The following NDUFAF1 variants were observed in gnomAD, a reference collection of about 807,000 sequenced individuals.
NDUFAF1 encodes NADH:ubiquinone oxidoreductase complex assembly factor 1, also known as complex I intermediate-associated protein 30, mitochondrial.
In NDUFAF1, 18 loss-of-function variants were observed where a neutral mutation model predicts 28.7. The observed-to-expected ratio is 0.63, with a 90% CI of 0.43 to 0.93. The LOEUF is 0.93. Among genes scored for constraint, NDUFAF1 ranks in the 40% least tolerant of loss-of-function variants. The pLI is 0.00. For missense variants in NDUFAF1, 404 were observed against 398.3 expected (o/e 1.01, Z -0.12); for synonymous variants, 113 against 139.7 (o/e 0.81, Z 1.35).
chr15:41,391,317 CACAGAATTT>C (rs915988855), intron 3 of NDUFAF1, among the ~76,000 whole-genome samples: 4 of 152,064 alleles, frequency 2.6e-5, no homozygotes, highest in African/African-American at 9.6e-5. Context: ...TCTCTGCTCT[CACAGAATTT>C]ACAGAATTTA....
At chr15:41,400,116 G>A (rs1310816784) in intron 1 of NDUFAF1, among the ~76,000 whole-genome samples, 1 of 151,870 alleles carries the variant, frequency 6.6e-6, no homozygotes, top group Non-Finnish European at 1.5e-5. Flanking sequence ...GCTCACGCCT[G>A]TAATCCCAGC....
rs1238335905 is a variant in NDUFAF1, at chr15:41,402,467, C to T, written c.-405G>A. ...CTTACCTCCCCGAGCCTATAGTGTACCTTCCGCCCAGAAGCCACTTTACCC... is the reference window on the plus strand; with the variant it reads ...CTTACCTCCCCGAGCCTATAGTGTATCTTCCGCCCAGAAGCCACTTTACCC... On this transcript the variant is annotated 5_prime_UTR_variant, in exon 1 of 5. Coordinates refer to ENST00000260361, the MANE Select transcript of NDUFAF1 (RefSeq NM_016013.4). The T allele has an allele frequency of 5.1e-6, 2 of 392,780 alleles. No homozygotes were observed. Among genetic ancestry groups the T allele is most frequent in the Non-Finnish European group, 1.0e-5 (2 of 195,324 alleles). 24.3% of individuals were successfully genotyped at this position (392,780 alleles called of 1,614,324 possible).
chr15:41,391,591 G>C lies in NDUFAF1; in HGVS notation c.760-3069C>G, dbSNP rs796697505. 2.8e-5 allele frequency among the ~76,000 whole-genome samples: 4 copies of C among 143,994 alleles called. No individual in the cohort carries two copies. In the South Asian group the frequency reaches 8.6e-4, roughly 31 times the overall value. The allele number at this position is 143,994 out of a possible 152,430, so 94.5% of individuals were successfully genotyped here. A position where few individuals can be genotyped will look rare whatever the true frequency, so the allele number is the denominator to read the frequency against. ...CACTGCACTCCAGCCTGGGCAGTAA[G>C]AGTGAGACTCCATCTTAAAAAAAAA... On this transcript the variant is annotated intron_variant, in intron 3 of 4. Coordinates refer to ENST00000260361, the MANE Select transcript of NDUFAF1 (RefSeq NM_016013.4).
In NDUFAF1 at chr15:41,396,534, C is replaced by G. The variant is rs35227875; in HGVS notation, c.526G>C (p.Glu176Gln). Reference protein sequence around the residue: ...TLSSEAPQDGESTRSGYCAMI... With the variant: ...TLSSEAPQDGQSTRSGYCAMI... The stretch of plus-strand genomic sequence containing the variant: ...GCACAGTACCCACTTCGGGTAGACT[C>G]CCCGTCCTGAGGCGCCTCAGAGCTC... The change falls in exon 2 of 5, where the codon GAG (glutamate) becomes CAG (glutamine). Residue 176 changes from glutamate (E) to glutamine (Q), a missense_variant. Coordinates refer to ENST00000260361, the MANE Select transcript of NDUFAF1 (RefSeq NM_016013.4). The G allele has an allele frequency of 3.1e-6, 5 of 1,614,112 alleles. No individual in the cohort carries two copies. The highest frequency in any genetic ancestry group is 1.1e-5 in the South Asian group (1 of 91,078).
At chr15:41,401,573 G>C (rs1038987159) in intron 1 of NDUFAF1, among the ~76,000 whole-genome samples, 9 of 151,774 alleles carry the variant, frequency 5.9e-5, no homozygotes, top group African/African-American at 2.2e-4. Flanking sequence ...TTACAGGCGT[G>C]CGCCACCACG....
rs1228610433 is a variant in NDUFAF1, at chr15:41,402,257, T to C, written c.-195A>G. 2.2e-6 allele frequency: 1 copy of C among 454,022 alleles called. No homozygotes were observed. The highest frequency in any genetic ancestry group is 4.4e-6 in the Non-Finnish European group (1 of 226,804). The allele number at this position is 454,022 out of a possible 1,614,324, so 28.1% of individuals were successfully genotyped here. A position where few individuals can be genotyped will look rare whatever the true frequency, so the allele number is the denominator to read the frequency against. The stretch of plus-strand genomic sequence containing the variant: ...AGAAACTGACGTTCCAAGGCTAATT[T>C]ACCCGAGGTCACACAGGTAGTGAGT... On this transcript the variant is annotated 5_prime_UTR_variant, in exon 1 of 5. Transcript: ENST00000260361.
intron 3 of NDUFAF1, among the ~76,000 whole-genome samples, chr15:41,390,804 G>A (rs2050307491): frequency 1.3e-5 from 2 of 151,048 alleles, no homozygotes; most frequent in South Asian, 2.1e-4. Flanking sequence ...AGGCCGAGGT[G>A]GGCGGATCAT....
intron 1 of NDUFAF1, among the ~76,000 whole-genome samples, chr15:41,399,712 C>T (rs1175865393): frequency 4.7e-5 from 7 of 149,016 alleles, no homozygotes; most frequent in African/African-American, 1.2e-4. Context: ...AAAAATTAGC[C>T]GGGCGTAGTG....
At chr15:41,394,427 A>C (rs951895364) in intron 3 of NDUFAF1, 2 of 1,259,844 alleles carry the variant, frequency 1.6e-6, no homozygotes, top group Admixed American at 4.6e-5. Flanking sequence ...CACAGAGCAG[A>C]GATGTGCCTG....
intron 1 of NDUFAF1, 103 bp from the exon 2 acceptor site, chr15:41,397,243 G>A: frequency 1.7e-6 from 1 of 596,956 alleles, no homozygotes; most frequent in Non-Finnish European, 2.9e-6. Context: ...TAACTTATTT[G>A]TTTACTATTA....
In NDUFAF1 at chr15:41,392,556, A is replaced by T. The variant is rs1277409315; in HGVS notation, c.759+2303T>A. On this transcript the variant is annotated intron_variant, in intron 3 of 4. Transcript: ENST00000260361. ...ACTGTTCTAGTGACAGTGAGTTCTC[A>T]CAAGATCTGATGGTTTTATAAGGAG... 3.9e-5 allele frequency among the ~76,000 whole-genome samples: 6 copies of T among 152,094 alleles called. 1 individual carries two copies. The highest frequency in any genetic ancestry group is 8.8e-5 in the Non-Finnish European group (6 of 68,016).
At chr15:41,387,745 G>C in intron 4 of NDUFAF1, 152 bp from the exon 5 acceptor site, 1 of 651,922 alleles carries the variant, frequency 1.5e-6, no homozygotes, top group Middle Eastern at 3.4e-4. Flanking sequence ...ATAGCATACT[G>C]TAAGAGGAAA....
chr15:41,396,236 A>G (rs913291429), intron 2 of NDUFAF1, among the ~76,000 whole-genome samples: 8 of 152,132 alleles, frequency 5.3e-5, no homozygotes, highest in African/African-American at 1.7e-4. Context: ...CTGAAACATA[A>G]CAATGCTCGT....
Position 41,387,501 on chromosome 15 carries a change from A to G in NDUFAF1, c.927T>C (p.His309=). ...AATTTTCATAGGCAAATTCTTCTGT[A>G]TGAGCTGGATCAGTAAACACGCCAA... The part of the protein sequence containing the change: ...DFIGVFTDPA[H]TEEFAYENSP... The change falls in exon 5 of 5, where the codon CAT becomes CAC. Residue 309 remains histidine, a synonymous_variant. Coordinates refer to ENST00000260361, the MANE Select transcript of NDUFAF1 (RefSeq NM_016013.4). 6.2e-7 allele frequency: 1 copy of G among 1,613,656 alleles called. No individual in the cohort carries two copies. Among genetic ancestry groups the G allele is most frequent in the Non-Finnish European group, 8.5e-7 (1 of 1,179,570 alleles).
Position 41,402,448 on chromosome 15 carries a change from T to G in NDUFAF1, c.-386A>C, listed in dbSNP as rs111326645. The G allele has an allele frequency of 2.4e-6, 1 of 422,986 alleles. No individual in the cohort carries two copies. The highest frequency in any genetic ancestry group is 1.6e-5 in the South Asian group (1 of 60,700). 26.2% of individuals were successfully genotyped at this position (422,986 alleles called of 1,614,324 possible). The stretch of plus-strand genomic sequence containing the variant: ...AACCGCCGGCCTGCCGCCGCTTACC[T>G]CCCCGAGCCTATAGTGTACCTTCCG... On this transcript the variant is annotated 5_prime_UTR_variant, in exon 1 of 5. Transcript: ENST00000260361.
chr15:41,387,765 G>C (rs1480967172), intron 4 of NDUFAF1, among the ~76,000 whole-genome samples, 172 bp from the exon 5 acceptor site: 1 of 152,130 alleles, frequency 6.6e-6, no homozygotes, highest in African/African-American at 2.4e-5. Context: ...ATACAAGACT[G>C]CTTTTCTTTC....
chr15:41,402,006 ATT>A (rs200152538), intron 1 of NDUFAF1, 136 bp downstream of exon 1: 35 of 247,784 alleles, frequency 1.4e-4, no homozygotes, highest in East Asian at 1.4e-3. Flanking sequence ...GCTTTGTTTC[ATT>A]TTTTTTTTTC....
intron 3 of NDUFAF1, among the ~76,000 whole-genome samples, chr15:41,392,245 TGTATTTTTA>T (rs2050325768): frequency 6.6e-6 from 1 of 151,914 alleles, no homozygotes; most frequent in Non-Finnish European, 1.5e-5. Flanking sequence ...GCTAATTTTT[TGTATTTTTA>T]GTAGACACAA....
At chr15:41,388,215 A>G (rs1317351306) in intron 4 of NDUFAF1, among the ~76,000 whole-genome samples, 1 of 152,138 alleles carries the variant, frequency 6.6e-6, no homozygotes, top group Non-Finnish European at 1.5e-5. Context: ...GGGAGGGGGG[A>G]AAATAGCTAA....
Sources: gnomAD v4.1 joint callset for allele counts (sites outside exome capture counted in the v4.1 genomes callset) on GRCh38, gnomAD v4.1.1 for gene constraint, MANE v1.5 for transcripts, NCBI Gene and HGNC (gene_info 2026-07-23, HGNC 2026-07-21) for gene names.